Variants in PID1 observed in about 807,000 individuals in gnomAD.
PID1 encodes the protein phosphotyrosine interaction domain containing 1, also known as PTB-containing, cubilin and LRP1-interacting protein.
A neutral mutation model predicts 19.1 loss-of-function variants in PID1; 10 were observed. The observed-to-expected ratio is 0.52, with a 90% confidence interval of 0.32 to 0.89. PID1 has a LOEUF of 0.89. Ranked by LOEUF, PID1 falls within the 40% of genes least tolerant of loss-of-function variation. The probability of loss-of-function intolerance (pLI) is 0.03; values close to 1 mark genes in which losing one functional copy is unlikely to be tolerated. For synonymous variants in PID1, 130 were observed against 116.0 expected, an observed-to-expected ratio of 1.12 and a Z score of -0.78; for missense variants, 248 against 285.3, an observed-to-expected ratio of 0.87 and a Z score of 0.94.
chr2:229,025,755 T>C lies in PID1; in HGVS notation c.531A>G (p.Lys177=). 6.2e-7 allele frequency: 1 copy of C among 1,614,268 alleles called. No individual in the cohort carries two copies. Among genetic ancestry groups the C allele is most frequent in the Non-Finnish European group, 8.5e-7 (1 of 1,180,040 alleles). ...VECESKLEAK[K]LAHAMMEAFR... ...AGGCCTCCATCATGGCGTGGGCCAG[T>C]TTCTTGGCCTCGAGCTTGCTCTCGC... Residue 177 remains lysine (K), a synonymous_variant, in exon 3 of 3, where the codon AAA becomes AAG. Transcript: ENST00000392055.
At position 229,139,115 on chromosome 2, in the gene PID1, G is replaced by GAGAAAGAAAGAAAGAA. The variant is rs796148800; in HGVS notation, c.177+16687_177+16702dup. On this transcript the variant is annotated intron_variant, in intron 2 of 2. Coordinates refer to ENST00000392055, the MANE Select transcript of PID1 (RefSeq NM_001100818.2). ...AGAAAGAAAGAAAGAAAGAAAGAAA[G>GAGAAAGAAAGAAAGAA]AGAAAGAAAGAAAGAAAGAAAGAAA... 3.5e-3 allele frequency among the ~76,000 whole-genome samples: 166 copies of GAGAAAGAAAGAAAGAA among 48,040 alleles called. 10 individuals are homozygous for GAGAAAGAAAGAAAGAA. Among genetic ancestry groups the GAGAAAGAAAGAAAGAA allele is most frequent in the Middle Eastern group, 0.013 (1 of 80 alleles). 31.5% of individuals were successfully genotyped at this position (48,040 alleles called of 152,430 possible).
chr2:229,100,909 T>C (rs566636043), intron 2 of PID1, among the ~76,000 whole-genome samples: 1 of 152,338 alleles, frequency 6.6e-6, no homozygotes, highest in African/African-American at 2.4e-5. Flanking sequence ...TGGCGACTAG[T>C]CAGCCCTTTG....
chr2:229,214,091 C>A (rs1292905246), intron 1 of PID1, among the ~76,000 whole-genome samples: 1 of 152,144 alleles, frequency 6.6e-6, no homozygotes, highest in African/African-American at 2.4e-5. Flanking sequence ...CTGATATAAT[C>A]AGGACTGTGT....
chr2:229,166,679 C>T (rs758076643), intron 1 of PID1, among the ~76,000 whole-genome samples: 3 of 152,078 alleles, frequency 2.0e-5, no homozygotes, highest in Non-Finnish European at 2.9e-5. Context: ...ATTGATATTA[C>T]TCCCTATGAA....
At chr2:229,058,727 G>A (rs79268544) in intron 2 of PID1, among the ~76,000 whole-genome samples, 469 of 134,476 alleles carry the variant, frequency 3.5e-3, no homozygotes, top group Middle Eastern at 0.019. Flanking sequence ...GTAATAATTT[G>A]AAAAAAAAAA....
chr2:229,133,577 TC>T (rs1167201712), intron 2 of PID1, among the ~76,000 whole-genome samples: 17 of 152,368 alleles, frequency 1.1e-4, no homozygotes, highest in Admixed American at 8.5e-4. Flanking sequence ...TCATCTCAAA[TC>T]CTTCGATAAT....
chr2:229,140,327 G>A (rs1487703233), intron 2 of PID1, among the ~76,000 whole-genome samples: 1 of 152,090 alleles, frequency 6.6e-6, no homozygotes, highest in Non-Finnish European at 1.5e-5. Flanking sequence ...ATCCTATAGT[G>A]GGAAAGGAGT....
intron 1 of PID1, among the ~76,000 whole-genome samples, chr2:229,239,004 C>T (rs1689797503): frequency 1.3e-5 from 2 of 151,902 alleles, no homozygotes; most frequent in South Asian, 4.2e-4. Flanking sequence ...ATTCAACACC[C>T]CGCTACTATC....
At chr2:229,192,602 A>C (rs1263469608) in intron 1 of PID1, among the ~76,000 whole-genome samples, 2 of 152,328 alleles carry the variant, frequency 1.3e-5, no homozygotes, top group East Asian at 3.9e-4. Context: ...TTAACAACAA[A>C]AGTATCTTAT....
intron 1 of PID1, among the ~76,000 whole-genome samples, chr2:229,182,632 C>T (rs1035299261): frequency 6.6e-6 from 1 of 152,184 alleles, no homozygotes; most frequent in Non-Finnish European, 1.5e-5. Context: ...GTGACTCGCC[C>T]TCTCACGTCC....
intron 2 of PID1, among the ~76,000 whole-genome samples, chr2:229,119,235 T>C (rs1695469400): frequency 6.6e-6 from 1 of 152,234 alleles, no homozygotes; most frequent in Non-Finnish European, 1.5e-5. Context: ...TATTATCTCA[T>C]TTATTAATAC....
At chr2:229,212,296 C>G (rs990402793) in intron 1 of PID1, among the ~76,000 whole-genome samples, 1 of 152,180 alleles carries the variant, frequency 6.6e-6, no homozygotes, top group African/African-American at 2.4e-5. Flanking sequence ...CAAAGAACAA[C>G]TTTTTGAAGT....
At chr2:229,089,615 G>A (rs533277545) in intron 2 of PID1, among the ~76,000 whole-genome samples, 2 of 152,200 alleles carry the variant, frequency 1.3e-5, no homozygotes, top group African/African-American at 4.8e-5. Flanking sequence ...AAAATGCTAG[G>A]AGGCGTATTA....
intron 2 of PID1, among the ~76,000 whole-genome samples, chr2:229,080,216 A>G (rs940078655): frequency 6.6e-6 from 1 of 152,238 alleles, no homozygotes; most frequent in Non-Finnish European, 1.5e-5. Context: ...TTCCTTCCTT[A>G]AAACTCATGG....
At chr2:229,142,208 C>T (rs772919443) in intron 2 of PID1, among the ~76,000 whole-genome samples, 4 of 151,986 alleles carry the variant, frequency 2.6e-5, no homozygotes, top group Admixed American at 6.6e-5. Context: ...CAAAAAAGTT[C>T]GAAGTACTTT....
At chr2:229,218,905 T>C (rs554238093) in intron 1 of PID1, among the ~76,000 whole-genome samples, 1 of 152,208 alleles carries the variant, frequency 6.6e-6, no homozygotes, top group Non-Finnish European at 1.5e-5. Flanking sequence ...CTAATCTTGA[T>C]CCATACTCCT....
chr2:229,168,194 T>C (rs1328233941), intron 1 of PID1, among the ~76,000 whole-genome samples: 1 of 152,206 alleles, frequency 6.6e-6, no homozygotes, highest in East Asian at 1.9e-4. Flanking sequence ...CATAGATCTG[T>C]GGTTTGATAT....
intron 2 of PID1, among the ~76,000 whole-genome samples, chr2:229,096,799 AC>A (rs1157109300): frequency 6.6e-6 from 1 of 152,146 alleles, no homozygotes; most frequent in East Asian, 1.9e-4. Context: ...ATGTCTCTTA[AC>A]CCCTCACTAA....
rs774493127 is a variant in PID1, at chr2:229,025,852, T to C, written c.434A>G (p.Asn145Ser). ...YCTADHNVSP[N>S]IFAWVYREIN... ...CTCCCTGTAGACCCAGGCGAAGATG[T>C]TGGGGCTCACGTTGTGGTCGGCGGT... Residue 145 changes from asparagine (N) to serine (S), a missense_variant, in exon 3 of 3, where the codon AAC becomes AGC. Asn to Ser is a conservative substitution (Grantham distance 46, BLOSUM62 1). Transcript: ENST00000392055. 5 of 1,614,230 alleles carry C rather than the reference T, an allele frequency of 3.1e-6. No homozygotes were observed. Among genetic ancestry groups the C allele is most frequent in the East Asian group, 2.2e-5 (1 of 44,882 alleles).
Sources: allele counts gnomAD v4.1 joint callset (sites outside exome capture counted in the v4.1 genomes callset), GRCh38; gene constraint gnomAD v4.1.1; transcripts MANE v1.5; gene names NCBI Gene and HGNC (gene_info 2026-07-23, HGNC 2026-07-21).